The following TFB1M variants were observed in gnomAD, a reference collection of about 807,000 sequenced individuals.
The protein encoded by TFB1M is transcription factor B1, mitochondrial, also known as dimethyladenosine transferase 1, mitochondrial.
TFB1M carries 27 observed loss-of-function variants against 31.1 expected under a neutral mutation model. The observed-to-expected ratio is 0.87, with a 90% CI of 0.64 to 1.20. TFB1M has a LOEUF of 1.20. TFB1M is among the 50% of genes most tolerant of loss of function. TFB1M has a pLI of 0.00. For synonymous variants in TFB1M, 166 were observed against 151.8 expected (o/e 1.09, Z -0.69); for missense variants, 394 against 418.7 (o/e 0.94, Z 0.51).
At chr6:155,237,472 C>G in the TFB1M span, among the ~76,000 whole-genome samples, 1 of 152,250 alleles carries the variant, frequency 6.6e-6, no homozygotes, top group African/African-American at 2.4e-5. Flanking sequence ...CTAGGCGGTG[C>G]CCCAGTAGGG....
chr6:155,258,028 CAACTCT>C lies in TFB1M; in HGVS notation c.843_848del (p.Glu282_Leu283del). 1 of 1,614,180 alleles carries C rather than the reference CAACTCT, an allele frequency of 6.2e-7. No homozygotes were observed. Among genetic ancestry groups the C allele is most frequent in the Non-Finnish European group, 8.5e-7 (1 of 1,180,042 alleles). On this transcript the variant is annotated inframe_deletion, in exon 7 of 7. Transcript: ENST00000367166. ...GCCGAAGAGTAGGGTCTATGTCTGC[CAACTCT>C]AACAGCCTGCCCGTGCTTTCCAAGC...
At chr6:155,273,272 G>T (rs1162090902) in intron 5 of TFB1M, among the ~76,000 whole-genome samples, 1 of 152,198 alleles carries the variant, frequency 6.6e-6, no homozygotes, top group African/African-American at 2.4e-5. Flanking sequence ...GATGTCTACA[G>T]ATAAGTCTGA....
chr6:155,286,479 ATGTGTGTGTATATATATG>A (rs1482654682), intron 4 of TFB1M, among the ~76,000 whole-genome samples: 1 of 118,242 alleles, frequency 8.5e-6, no homozygotes, highest in Non-Finnish European at 1.9e-5. Context: ...ATATATATAT[ATGTGTGTGTATATATATG>A]TGTGTATATA....
intron 6 of TFB1M, 49 bp downstream of exon 6, chr6:155,260,224 T>C: frequency 6.2e-7 from 1 of 1,608,316 alleles, no homozygotes. Flanking sequence ...AAAAAGTGCC[T>C]GAGGATTTTA....
chr6:155,269,975 G>T (rs1288970819), intron 5 of TFB1M, among the ~76,000 whole-genome samples: 2 of 152,244 alleles, frequency 1.3e-5, no homozygotes, highest in African/African-American at 4.8e-5. Context: ...TGCTTGCCCT[G>T]TGGGGCTGAA....
downstream of TFB1M, chr6:155,255,791 T>TGA (rs1478023139): frequency 3.3e-5 from 5 of 152,350 alleles, no homozygotes; most frequent in African/African-American, 1.2e-4. Context: ...CTTGAGCTCT[T>TGA]GAGAACAGGA....
chr6:155,238,405 G>C, the TFB1M span, among the ~76,000 whole-genome samples: 1 of 152,194 alleles, frequency 6.6e-6, no homozygotes, highest in African/African-American at 2.4e-5. Context: ...ACCTCTGCCT[G>C]TTACCCAGCT....
chr6:155,248,035 GC>G, the TFB1M span: 4 of 1,614,118 alleles, frequency 2.5e-6, no homozygotes, highest in Non-Finnish European at 3.4e-6. Flanking sequence ...TTTTCTGGAC[GC>G]CCGGAACCCC....
chr6:155,276,250 T>G (rs1785208053), intron 5 of TFB1M: 1 of 1,614,048 alleles, frequency 6.2e-7, no homozygotes, highest in Admixed American at 1.7e-5. Context: ...TGTTTATCTC[T>G]GGCATGATTT....
chr6:155,289,103 A>G (rs1273061394), intron 4 of TFB1M, among the ~76,000 whole-genome samples: 4 of 152,112 alleles, frequency 2.6e-5, no homozygotes, highest in African/African-American at 9.7e-5. Flanking sequence ...TTTTAAGTAC[A>G]AGGAGAAAAA....
At position 155,311,268 on chromosome 6, in the gene TFB1M, T is replaced by C; in HGVS notation, c.205A>G (p.Ile69Val). ...TCGGCATTAAGAATAGATCTTGTGA[T>C]TCCCCCTGGCCCAGGGCCCACTTCG... ...VYEVGPGPGG[I>V]TRSILNADVA... Residue 69 changes from isoleucine (I) to valine (V), a missense_variant, in exon 2 of 7, where the codon ATC becomes GTC. Physicochemically the swap from Ile to Val is conservative, Grantham distance 29. Transcript: ENST00000367166. 1.2e-6 allele frequency: 2 copies of C among 1,614,106 alleles called. No homozygotes were observed. The highest frequency in any genetic ancestry group is 1.7e-6 in the Non-Finnish European group (2 of 1,179,934).
At chr6:155,267,643 C>T (rs1034170323) in intron 5 of TFB1M, among the ~76,000 whole-genome samples, 1 of 152,110 alleles carries the variant, frequency 6.6e-6, no homozygotes, top group Non-Finnish European at 1.5e-5. Flanking sequence ...TTACAGCAGG[C>T]CATTTCAGCA....
intron 6 of TFB1M, among the ~76,000 whole-genome samples, chr6:155,258,731 A>C (rs1440003885): frequency 2.6e-5 from 4 of 152,214 alleles, no homozygotes; most frequent in African/African-American, 9.7e-5. Flanking sequence ...TTCAAGTCTC[A>C]GGGCTCTTAC....
the TFB1M span, among the ~76,000 whole-genome samples, chr6:155,245,944 T>C: frequency 1.3e-5 from 2 of 152,186 alleles, no homozygotes; most frequent in African/African-American, 4.8e-5. Flanking sequence ...AGAGCAGAGA[T>C]GTTGCTTTGC....
At chr6:155,281,347 A>C (rs1303777768) in intron 5 of TFB1M, among the ~76,000 whole-genome samples, 1 of 152,220 alleles carries the variant, frequency 6.6e-6, no homozygotes, top group Non-Finnish European at 1.5e-5. Flanking sequence ...TACTGCCTCT[A>C]CCAGTGTCAA....
At chr6:155,267,147 G>T (rs1276491957) in intron 5 of TFB1M, among the ~76,000 whole-genome samples, 1 of 151,916 alleles carries the variant, frequency 6.6e-6, no homozygotes, top group Non-Finnish European at 1.5e-5. Context: ...GCCAATTTTT[G>T]TATTTTTAAT....
intron 5 of TFB1M, among the ~76,000 whole-genome samples, chr6:155,262,772 G>A (rs1328565590): frequency 1.3e-5 from 2 of 152,014 alleles, no homozygotes; most frequent in African/African-American, 4.8e-5. Flanking sequence ...TTAAATTTTG[G>A]CCTCATCTTT....
Position 155,256,693 on chromosome 6 carries a change from A to G in TFB1M, c.*1143T>C. The stretch of plus-strand genomic sequence containing the variant: ...CCCCGGCTTGGCAGATTTTGCCGAC[A>G]ATCTCATCAAAGAGAGTGACATCCT... On this transcript the variant is annotated 3_prime_UTR_variant, in exon 7 of 7. Coordinates refer to ENST00000367166, the MANE Select transcript of TFB1M (RefSeq NM_016020.4). 1 of 1,614,194 alleles carries G rather than the reference A, an allele frequency of 6.2e-7. No individual in the cohort carries two copies. Among genetic ancestry groups the G allele is most frequent in the Non-Finnish European group, 8.5e-7 (1 of 1,180,034 alleles).
At chr6:155,252,159 G>C (rs1255140931), downstream of TFB1M, among the ~76,000 whole-genome samples, 1 of 152,136 alleles carries the variant, frequency 6.6e-6, no homozygotes, top group East Asian at 1.9e-4. Flanking sequence ...GAGCGTTTCT[G>C]AGTCTCCCCA....
Sources: allele counts gnomAD v4.1 joint callset (sites outside exome capture counted in the v4.1 genomes callset), GRCh38; gene constraint gnomAD v4.1.1; transcripts MANE v1.5; gene names NCBI Gene and HGNC (gene_info 2026-07-23, HGNC 2026-07-21).